The following IGSF21 variants were observed in gnomAD, a reference collection of about 807,000 sequenced individuals.
IGSF21 encodes the protein immunoglobulin superfamily member 21.
IGSF21 carries 28 observed loss-of-function variants against 46.8 expected under a neutral mutation model. The ratio of observed to expected loss-of-function variants is 0.60; its 90% CI spans 0.44 to 0.82. IGSF21 has a LOEUF of 0.82. Ranked by LOEUF, IGSF21 falls within the 40% of genes least tolerant of loss-of-function variation. The pLI is 0.00. For missense variants in IGSF21, 624 were observed against 665.5 expected (o/e 0.94, Z 0.69); for synonymous variants, 284 against 273.6 (o/e 1.04, Z -0.38).
intron 4 of IGSF21, among the ~76,000 whole-genome samples, chr1:18,346,307 C>T (rs1474547435): frequency 6.6e-6 from 1 of 152,088 alleles, no homozygotes; most frequent in African/African-American, 2.4e-5. Context: ...TGTGGCTTTT[C>T]CTTTCCAAGC....
At chr1:18,267,169 G>T (rs1424279599) in intron 2 of IGSF21, among the ~76,000 whole-genome samples, 1 of 152,212 alleles carries the variant, frequency 6.6e-6, no homozygotes, top group Non-Finnish European at 1.5e-5. Flanking sequence ...TCTAATAGGT[G>T]AGGCAGGACA....
chr1:18,129,705 C>A (rs554547671), intron 1 of IGSF21, among the ~76,000 whole-genome samples: 1 of 152,330 alleles, frequency 6.6e-6, no homozygotes, highest in South Asian at 2.1e-4. Context: ...TGTCCCCATG[C>A]ACAGAGGATA....
Position 18,376,408 on chromosome 1 carries a change from C to T in IGSF21, c.1101+13C>T. ...CCATGGGTTTCAGGTCAGCCTCTCT[C>T]TGAGCATCTGGGAGGGTGGTGGGAG... On this transcript the variant is annotated intron_variant, in intron 7 of 9. Coordinates refer to ENST00000251296, the MANE Select transcript of IGSF21 (RefSeq NM_032880.5). 1 of 1,599,608 alleles carries T rather than the reference C, an allele frequency of 6.3e-7. No individual in the cohort carries two copies. The highest frequency in any genetic ancestry group is 1.1e-5 in the South Asian group (1 of 90,766).
chr1:18,190,406 G>C (rs1221971500), intron 1 of IGSF21, among the ~76,000 whole-genome samples: 1 of 152,252 alleles, frequency 6.6e-6, no homozygotes, highest in East Asian at 1.9e-4. Context: ...GCCAGAGGTA[G>C]TCTGGAGGCA....
chr1:18,127,225 G>A (rs2086281771), intron 1 of IGSF21, among the ~76,000 whole-genome samples: 1 of 152,184 alleles, frequency 6.6e-6, no homozygotes, highest in East Asian at 1.9e-4. Flanking sequence ...TGACATTCTG[G>A]TGGATGAGAG....
chr1:18,286,328 A>G (rs2085211806), intron 2 of IGSF21, among the ~76,000 whole-genome samples: 1 of 152,110 alleles, frequency 6.6e-6, no homozygotes, highest in African/African-American at 2.4e-5. Context: ...CTTATTCAAC[A>G]TCCCTTCGTA....
chr1:18,307,983 G>T (rs749159076), intron 3 of IGSF21, among the ~76,000 whole-genome samples: 3 of 152,170 alleles, frequency 2.0e-5, no homozygotes, highest in Non-Finnish European at 2.9e-5. Context: ...ATCTTAAGGA[G>T]AAAAGGTCAT....
intron 1 of IGSF21, among the ~76,000 whole-genome samples, chr1:18,193,529 C>G (rs971162414): frequency 1.3e-5 from 2 of 152,238 alleles, no homozygotes; most frequent in Admixed American, 6.5e-5. Flanking sequence ...GTCCTATGCT[C>G]GAGGGCAGGA....
At chr1:18,320,370 TA>T (rs2085589184) in intron 3 of IGSF21, among the ~76,000 whole-genome samples, 1 of 152,206 alleles carries the variant, frequency 6.6e-6, no homozygotes, top group East Asian at 1.9e-4. Context: ...CCCTACTTTT[TA>T]AGAGAACCCA....
chr1:18,120,312 G>A (rs1489239641), intron 1 of IGSF21, among the ~76,000 whole-genome samples: 2 of 152,214 alleles, frequency 1.3e-5, no homozygotes, highest in South Asian at 2.1e-4. Context: ...GTAGAGGACT[G>A]CAGCCAACTC....
At chr1:18,311,097 G>A (rs192334647) in intron 3 of IGSF21, among the ~76,000 whole-genome samples, 6 of 152,226 alleles carry the variant, frequency 3.9e-5, no homozygotes, top group Admixed American at 3.3e-4. Flanking sequence ...AGTGGGGAGC[G>A]CAATTCACCC....
chr1:18,123,869 C>A, intron 1 of IGSF21, among the ~76,000 whole-genome samples: 1 of 152,120 alleles, frequency 6.6e-6, no homozygotes, highest in East Asian at 1.9e-4. Context: ...GTAAGCCAGT[C>A]CTGCAATTAG....
chr1:18,239,762 C>T (rs1197959501), intron 2 of IGSF21, among the ~76,000 whole-genome samples: 1 of 152,168 alleles, frequency 6.6e-6, no homozygotes, highest in Non-Finnish European at 1.5e-5. Flanking sequence ...GCCCCCCCTC[C>T]CCGCCACCAG....
At chr1:18,170,855 A>G (rs1419493554) in intron 1 of IGSF21, among the ~76,000 whole-genome samples, 1 of 152,152 alleles carries the variant, frequency 6.6e-6, no homozygotes, top group Non-Finnish European at 1.5e-5. Flanking sequence ...GTGGTCTTAC[A>G]TTCAGAGAAG....
chr1:18,124,616 C>T (rs2086260161), intron 1 of IGSF21, among the ~76,000 whole-genome samples: 1 of 152,118 alleles, frequency 6.6e-6, no homozygotes, highest in African/African-American at 2.4e-5. Flanking sequence ...GAGGTGGCCC[C>T]GGACCCCGTG....
In IGSF21 at chr1:18,365,808, G is replaced by A; in HGVS notation, c.1015+111G>A. 2.4e-6 allele frequency: 2 copies of A among 838,164 alleles called. No individual in the cohort carries two copies. Among genetic ancestry groups the A allele is most frequent in the South Asian group, 3.6e-5 (2 of 56,016 alleles). The allele number at this position is 838,164 out of a possible 1,614,324, so 51.9% of individuals were successfully genotyped here. A position where few individuals can be genotyped will look rare whatever the true frequency, so the allele number is the denominator to read the frequency against. The stretch of plus-strand genomic sequence containing the variant: ...CAGCCATGGAAAGGGGGAGGAGATG[G>A]AGCAAACTGGAGTCAGGATGAGCAC... On this transcript the variant is annotated intron_variant, in intron 6 of 9. Transcript: ENST00000251296. The surrounding 1 kb of genome is among the most constrained non-coding windows in gnomAD (Gnocchi z 4.8).
At chr1:18,187,902 TA>T (rs2086919390) in intron 1 of IGSF21, among the ~76,000 whole-genome samples, 1 of 152,178 alleles carries the variant, frequency 6.6e-6, no homozygotes, top group African/African-American at 2.4e-5. Context: ...GAATGTTTGT[TA>T]AATGAATGAA....
intron 2 of IGSF21, among the ~76,000 whole-genome samples, chr1:18,283,128 C>G (rs1431050821): frequency 6.6e-6 from 1 of 152,186 alleles, no homozygotes; most frequent in African/African-American, 2.4e-5. Flanking sequence ...CAGCCGCTCT[C>G]CTCCCTGCCA....
chr1:18,194,484 C>T (rs1207369914), intron 1 of IGSF21, among the ~76,000 whole-genome samples: 1 of 152,192 alleles, frequency 6.6e-6, no homozygotes, highest in Non-Finnish European at 1.5e-5. Flanking sequence ...AGGATCCTTT[C>T]TGCCTCTTCC....
Sources: gnomAD v4.1 joint callset for allele counts (sites outside exome capture counted in the v4.1 genomes callset) on GRCh38, gnomAD v4.1.1 for gene constraint, Gnocchi (gnomAD v3.1) non-coding constraint, MANE v1.5 for transcripts, NCBI Gene and HGNC (gene_info 2026-07-23, HGNC 2026-07-21) for gene names.